Variants in DCC observed in about 807,000 individuals in gnomAD.
The protein encoded by DCC is DCC netrin 1 receptor, also known as netrin receptor DCC.
Under a neutral mutation model 172.5 loss-of-function variants are expected in DCC, and 58 were observed. The observed-to-expected ratio is 0.34, with a 90% confidence interval of 0.27 to 0.42. The LOEUF (loss-of-function observed/expected upper bound fraction) is 0.42. DCC is among the 10% of genes least tolerant of loss of function. The pLI is 1.00. For synonymous variants in DCC, 709 were observed against 644.5 expected, an observed-to-expected ratio of 1.10 and a Z score of -1.52; for missense variants, 1,740 against 1,791.0, an observed-to-expected ratio of 0.97 and a Z score of 0.51.
At chr18:53,186,913 G>A (rs917960785) in intron 9 of DCC, among the ~76,000 whole-genome samples, 2 of 152,102 alleles carry the variant, frequency 1.3e-5, no homozygotes, top group African/African-American at 4.8e-5. Context: ...TCACATGGTG[G>A]AAGAAGTGGT....
intron 8 of DCC, among the ~76,000 whole-genome samples, chr18:53,161,148 T>C (rs555151168): frequency 2.5e-4 from 38 of 152,230 alleles, no homozygotes; most frequent in Non-Finnish European, 5.1e-4. Context: ...GGAATATTCC[T>C]TGAATTGTCT....
At chr18:52,665,171 G>A (rs1262745931) in intron 1 of DCC, among the ~76,000 whole-genome samples, 1 of 152,220 alleles carries the variant, frequency 6.6e-6, no homozygotes, top group Non-Finnish European at 1.5e-5. Flanking sequence ...GGTGAAGCCA[G>A]GACATTGAGT....
chr18:52,380,141 T>G (rs1985522685), intron 1 of DCC, among the ~76,000 whole-genome samples: 1 of 152,014 alleles, frequency 6.6e-6, no homozygotes, highest in African/African-American at 2.4e-5. Context: ...TATAAGTCAC[T>G]AATCCATTCA....
At chr18:53,080,299 G>C (rs1347238121) in intron 7 of DCC, among the ~76,000 whole-genome samples, 1 of 152,064 alleles carries the variant, frequency 6.6e-6, no homozygotes, top group Non-Finnish European at 1.5e-5. Flanking sequence ...GAGGAAGAAT[G>C]ACTTAAGTCC....
intron 2 of DCC, among the ~76,000 whole-genome samples, chr18:52,857,738 T>C (rs1377769170): frequency 6.6e-6 from 1 of 152,208 alleles, no homozygotes; most frequent in Non-Finnish European, 1.5e-5. Context: ...CCAATCACTG[T>C]GATTTGAACT....
At position 52,895,239 on chromosome 18, in the gene DCC, T is replaced by C. The variant is rs1221048699; in HGVS notation, c.413-10805T>C. Among the ~76,000 whole-genome samples, 4 of 152,364 alleles carry C rather than the reference T, an allele frequency of 2.6e-5. No homozygotes were observed. In the East Asian group the frequency reaches 7.7e-4, roughly 29 times the overall value. ...ATCAGCCGTATTCACAATCAACTTT[T>C]ATGAGCATTGCAACCATTCATTAGC... On this transcript the variant is annotated intron_variant, in intron 2 of 28. Coordinates refer to ENST00000442544, the MANE Select transcript of DCC (RefSeq NM_005215.4).
At chr18:52,387,571 GTTTCTTCCTTCCTTCCTTCC>G in intron 1 of DCC, among the ~76,000 whole-genome samples, 1 of 93,206 alleles carries the variant, frequency 1.1e-5, no homozygotes, top group South Asian at 3.0e-4. Flanking sequence ...GTTTTGTTTT[GTTTCTTCCTTCCTTCCTTCC>G]TTCCTTCCTT....
intron 7 of DCC, among the ~76,000 whole-genome samples, chr18:53,075,736 T>C (rs2042717396): frequency 6.6e-6 from 1 of 152,198 alleles, no homozygotes; most frequent in East Asian, 1.9e-4. Flanking sequence ...AGTATGTAGA[T>C]GCTGTGCTTA....
chr18:53,026,143 A>AT (rs1048602845), intron 5 of DCC, among the ~76,000 whole-genome samples: 47 of 152,168 alleles, frequency 3.1e-4, no homozygotes, highest in African/African-American at 1.1e-3. Context: ...TCTATGGAGA[A>AT]TTTTTATTAG....
intron 1 of DCC, among the ~76,000 whole-genome samples, chr18:52,444,881 A>C (rs1413221983): frequency 6.6e-6 from 1 of 152,238 alleles, no homozygotes; most frequent in African/African-American, 2.4e-5. Flanking sequence ...AAGCAAATAT[A>C]GTCATTCTGG....
chr18:53,095,003 C>A (rs145387586), intron 7 of DCC, among the ~76,000 whole-genome samples: 1 of 152,114 alleles, frequency 6.6e-6, no homozygotes, highest in African/African-American at 2.4e-5. Context: ...TATTACTACA[C>A]ATTTTGAGAG....
intron 1 of DCC, among the ~76,000 whole-genome samples, chr18:52,495,308 T>G (rs1689712069): frequency 6.6e-6 from 1 of 152,134 alleles, no homozygotes. Context: ...AAGTCTTCGT[T>G]TTTGTCTCTG....
chr18:53,110,539 C>A (rs11082968), intron 7 of DCC, among the ~76,000 whole-genome samples: 3 of 151,614 alleles, frequency 2.0e-5, no homozygotes, highest in Admixed American at 6.6e-5. Context: ...AGACCACCAA[C>A]TTAAATTTAC....
At chr18:52,514,959 C>A (rs2031575968) in intron 1 of DCC, among the ~76,000 whole-genome samples, 1 of 152,162 alleles carries the variant, frequency 6.6e-6, no homozygotes, top group Non-Finnish European at 1.5e-5. Context: ...TTCCCCAACT[C>A]ATCCTATGAG....
At chr18:53,225,123 A>G (rs934152678) in intron 12 of DCC, among the ~76,000 whole-genome samples, 1 of 152,160 alleles carries the variant, frequency 6.6e-6, no homozygotes, top group Non-Finnish European at 1.5e-5. Context: ...ACTATGTCAT[A>G]TACTAATGAG....
At chr18:52,683,917 T>A (rs2035788625) in intron 1 of DCC, among the ~76,000 whole-genome samples, 1 of 152,102 alleles carries the variant, frequency 6.6e-6, no homozygotes, top group Non-Finnish European at 1.5e-5. Flanking sequence ...CGTATGCAAA[T>A]CATATGGATG....
chr18:52,779,463 G>A (rs558113422), intron 2 of DCC, among the ~76,000 whole-genome samples: 27 of 69,780 alleles, frequency 3.9e-4, no homozygotes, highest in African/African-American at 9.9e-4. Flanking sequence ...CTTCATCCAC[G>A]TCCCTGCAAG....
intron 14 of DCC, among the ~76,000 whole-genome samples, chr18:53,325,196 CAA>C (rs750007696): frequency 1.1e-4 from 7 of 65,090 alleles, no homozygotes; most frequent in Admixed American, 2.0e-4. Context: ...GACTCCATCT[CAA>C]AAAAAAAAAA....
At chr18:52,359,372 CAGA>C (rs1211083341) in intron 1 of DCC, among the ~76,000 whole-genome samples, 1 of 152,270 alleles carries the variant, frequency 6.6e-6, no homozygotes, top group East Asian at 1.9e-4. Context: ...ATATTTAATA[CAGA>C]AGAATATCCC....
Sources: gnomAD v4.1 joint callset for allele counts (sites outside exome capture counted in the v4.1 genomes callset) on GRCh38, gnomAD v4.1.1 for gene constraint, MANE v1.5 for transcripts, NCBI Gene and HGNC (gene_info 2026-07-23, HGNC 2026-07-21) for gene names.